ZNF16: variants seen among roughly 807,000 people sequenced by gnomAD.
ZNF16 encodes zinc finger protein KOX9.
A neutral mutation model predicts 9.0 loss-of-function variants in ZNF16; 7 were observed. The observed-to-expected ratio is 0.78, with a 90% CI of 0.44 to 1.47. The LOEUF is 1.47. Ranked by LOEUF, ZNF16 falls within the 40% of genes most tolerant of loss-of-function variation. The pLI, the probability that ZNF16 is intolerant of heterozygous loss-of-function variation, is 0.01. For synonymous variants in ZNF16, 312 were observed against 301.5 expected, an observed-to-expected ratio of 1.03 and a Z score of -0.36; for missense variants, 830 against 854.2, an observed-to-expected ratio of 0.97 and a Z score of 0.35.
intron 2 of ZNF16, among the ~76,000 whole-genome samples, chr8:144,938,618 T>C (rs1178596133): frequency 6.6e-6 from 1 of 152,242 alleles, no homozygotes; most frequent in Non-Finnish European, 1.5e-5. Context: ...GCTGCAACTT[T>C]GCTGGGTTTG....
chr8:144,943,888 T>G (rs76946924), intron 2 of ZNF16, among the ~76,000 whole-genome samples: 1 of 152,182 alleles, frequency 6.6e-6, no homozygotes, highest in African/African-American at 2.4e-5. Flanking sequence ...TATCTTCAAG[T>G]TGCCGATTTT....
At chr8:144,941,863 T>C (rs1008018538) in intron 2 of ZNF16, among the ~76,000 whole-genome samples, 3 of 151,862 alleles carry the variant, frequency 2.0e-5, no homozygotes, top group Admixed American at 2.0e-4. Flanking sequence ...TTTCACTGTG[T>C]TGGCCAGGAT....
chr8:144,937,499 TTTA>T (rs150836022), intron 2 of ZNF16, among the ~76,000 whole-genome samples: 6,260 of 152,252 alleles, frequency 0.041, 287 homozygotes, highest in African/African-American at 0.12. Context: ...GTCCAATTTA[TTTA>T]TTTTTTTCTT....
intron 2 of ZNF16, among the ~76,000 whole-genome samples, chr8:144,936,383 T>C (rs1453042967): frequency 6.6e-6 from 1 of 152,224 alleles, no homozygotes; most frequent in Non-Finnish European, 1.5e-5. Flanking sequence ...ATGATATGCA[T>C]GTACTTGTTT....
intron 1 of ZNF16, among the ~76,000 whole-genome samples, chr8:144,949,454 AAAAG>A (rs780815857): frequency 2.0e-5 from 3 of 152,218 alleles, no homozygotes; most frequent in Non-Finnish European, 4.4e-5. Flanking sequence ...CCATGTAGGG[AAAAG>A]AAAGAAAGAT....
intron 2 of ZNF16, among the ~76,000 whole-genome samples, chr8:144,943,248 T>C (rs1219628441): frequency 1.3e-5 from 2 of 152,202 alleles, no homozygotes; most frequent in African/African-American, 4.8e-5. Flanking sequence ...TGTTCAGGGA[T>C]AGGTCTCCTC....
At chr8:144,950,629 G>GCC (rs541300138) in intron 1 of ZNF16, 168 bp downstream of exon 1, 24 of 57,176 alleles carry the variant, frequency 4.2e-4, no homozygotes, top group Non-Finnish European at 7.1e-4. Flanking sequence ...CCCCCGCCCC[G>GCC]CCCCCCCCGC....
rs1480608633 is a variant in ZNF16, at chr8:144,933,153, A to G, written c.197-563T>C. Reference sequence around the variant, plus strand: ...TTGGTCTTAGGAGTCACTAGTGTGGAGAGAGACCCCGTTGTACACAGAGAA... The same window carrying G: ...TTGGTCTTAGGAGTCACTAGTGTGGGGAGAGACCCCGTTGTACACAGAGAA... On this transcript the variant is annotated intron_variant, in intron 2 of 2. Transcript: ENST00000394909. The surrounding 1 kb of genome is among the most constrained non-coding windows in gnomAD (Gnocchi z 5.6). Among the ~76,000 whole-genome samples, 2 of 152,104 alleles carry G rather than the reference A, an allele frequency of 1.3e-5. No individual in the cohort carries two copies. Among genetic ancestry groups the G allele is most frequent in the African/African-American group, 4.8e-5 (2 of 41,412 alleles).
chr8:144,948,871 A>G (rs1349676639), intron 1 of ZNF16, among the ~76,000 whole-genome samples: 2 of 152,312 alleles, frequency 1.3e-5, no homozygotes, highest in Non-Finnish European at 2.9e-5. Flanking sequence ...GTTACACTAC[A>G]TACCAAAAAG....
At chr8:144,949,633 T>C (rs1251754767) in intron 1 of ZNF16, among the ~76,000 whole-genome samples, 1 of 152,172 alleles carries the variant, frequency 6.6e-6, no homozygotes, top group African/African-American at 2.4e-5. Flanking sequence ...GGAATCAAGG[T>C]TTAAGGGATC....
intron 1 of ZNF16, chr8:144,950,467 T>G (rs1407434132): frequency 6.6e-6 from 1 of 152,116 alleles, no homozygotes; most frequent in African/African-American, 2.4e-5. Flanking sequence ...CCGCCCGAGC[T>G]CGAATGGTGG....
rs370064503 is a variant in ZNF16 at position 144,930,752 on chromosome 8, G to A, written c.2035C>T (p.His679Tyr). ...AGCCCAACAGCCTATTCCCTGGTGT[G>A]AATCAACTGGTGTTTGATCAACTTT... ...RSKLIKHQLI[H>Y]TRE Residue 679 changes from histidine (H) to tyrosine (Y), a missense_variant, in exon 3 of 3, where the codon CAC becomes TAC. Transcript: ENST00000394909. 3.3e-6 allele frequency: 5 copies of A among 1,528,688 alleles called. No homozygotes were observed. The highest frequency in any genetic ancestry group is 1.3e-5 in the South Asian group (1 of 76,006). The allele number at this position is 1,528,688 out of a possible 1,614,324, so 94.7% of individuals were successfully genotyped here. A position where few individuals can be genotyped will look rare whatever the true frequency, so the allele number is the denominator to read the frequency against.
At chr8:144,936,523 T>C (rs774427339) in intron 2 of ZNF16, among the ~76,000 whole-genome samples, 5 of 152,240 alleles carry the variant, frequency 3.3e-5, no homozygotes, top group African/African-American at 4.8e-5. Flanking sequence ...TGTATGAGGA[T>C]ACCAGTTTCT....
chr8:144,934,293 C>A (rs1414478721), intron 2 of ZNF16, among the ~76,000 whole-genome samples: 2 of 152,254 alleles, frequency 1.3e-5, no homozygotes, highest in East Asian at 1.9e-4. Flanking sequence ...AGCCAGAACA[C>A]CCTCTTGCAG....
chr8:144,935,260 C>T (rs189639999), intron 2 of ZNF16, among the ~76,000 whole-genome samples: 49 of 152,098 alleles, frequency 3.2e-4, no homozygotes, highest in Non-Finnish European at 4.7e-4. Flanking sequence ...TCGAGTGCAA[C>T]GGTGCCATCT....
intron 1 of ZNF16, 98 bp from the exon 2 acceptor site, chr8:144,946,313 C>T: frequency 8.3e-7 from 1 of 1,201,362 alleles, no homozygotes; most frequent in Middle Eastern, 3.0e-4. Flanking sequence ...CCCCTGCAGC[C>T]CAAGACCTGA....
Position 144,930,480 on chromosome 8 carries a change from G to A in ZNF16, c.*258C>T. On this transcript the variant is annotated 3_prime_UTR_variant, in exon 3 of 3. Transcript: ENST00000394909. Reference sequence around the variant, plus strand: ...TGCAGCCTCCATAATCTTCTCCCTTGTAACAAACGTGCAGTCCGTTCACAA... The same window carrying A: ...TGCAGCCTCCATAATCTTCTCCCTTATAACAAACGTGCAGTCCGTTCACAA... 1 of 418,160 alleles carries A rather than the reference G, an allele frequency of 2.4e-6. No homozygotes were observed. Among genetic ancestry groups the A allele is most frequent in the Non-Finnish European group, 4.2e-6 (1 of 236,472 alleles). The allele number at this position is 418,160 out of a possible 1,614,324, so 25.9% of individuals were successfully genotyped here.
In ZNF16 at chr8:144,942,116, T is replaced by C. The variant is rs926301413; in HGVS notation, c.196+3895A>G. Among the ~76,000 whole-genome samples, 9 of 150,954 alleles carry C rather than the reference T, an allele frequency of 6.0e-5. 1 individual carries two copies. The highest frequency in any genetic ancestry group is 2.0e-4 in the Admixed American group (3 of 15,110). On this transcript the variant is annotated intron_variant, in intron 2 of 2. Coordinates refer to ENST00000394909, the MANE Select transcript of ZNF16 (RefSeq NM_006958.3). ...CCTCAGCCTCCCAAGTAGCTGGGAC[T>C]ACAGGTGCCCACCACCTTGCCTGGC...
chr8:144,942,110 T>C (rs980446544), intron 2 of ZNF16, among the ~76,000 whole-genome samples: 1 of 150,880 alleles, frequency 6.6e-6, no homozygotes, highest in Non-Finnish European at 1.5e-5. Context: ...CCCAAGTAGC[T>C]GGGACTACAG....
Sources: gnomAD v4.1 joint callset for allele counts (sites outside exome capture counted in the v4.1 genomes callset) on GRCh38, gnomAD v4.1.1 for gene constraint, Gnocchi (gnomAD v3.1) non-coding constraint, MANE v1.5 for transcripts, NCBI Gene and HGNC (gene_info 2026-07-23, HGNC 2026-07-21) for gene names.